The following ARPP19 variants were observed in gnomAD, a reference collection of about 807,000 sequenced individuals.
The protein encoded by ARPP19 is cAMP regulated phosphoprotein 19.
Under a neutral mutation model 12.0 loss-of-function variants are expected in ARPP19, and 8 were observed. That is an observed-to-expected ratio of 0.67 (90% confidence interval 0.39 to 1.21). The LOEUF is 1.21. ARPP19 is among the 50% of genes most tolerant of loss of function. The pLI, the probability that ARPP19 is intolerant of heterozygous loss-of-function variation, is 0.01. For synonymous variants in ARPP19, 47 were observed against 50.4 expected, an observed-to-expected ratio of 0.93 and a Z score of 0.29; for missense variants, 102 against 136.3, an observed-to-expected ratio of 0.75 and a Z score of 1.25.
intron 1 of ARPP19, chr15:52,564,255 A>G (rs1350386920): frequency 3.3e-6 from 5 of 1,532,156 alleles, no homozygotes; most frequent in Non-Finnish European, 4.4e-6. Context: ...CTCTGAATAG[A>G]AATAGAAAAC....
In ARPP19 at chr15:52,548,603, C is replaced by T. The variant is rs1280545513; in HGVS notation, c.*3331G>A. On this transcript the variant is annotated 3_prime_UTR_variant, in exon 3 of 3. Transcript: ENST00000249822. ...CACCCCTTTGTCCTGCTTATCCACA[C>T]TGTATACTACCTGCCCCTTAGTCAC... 1 of 152,502 alleles carries T rather than the reference C, an allele frequency of 6.6e-6. No individual in the cohort carries two copies. The highest frequency in any genetic ancestry group is 1.5e-5 in the Non-Finnish European group (1 of 68,150). 9.4% of individuals were successfully genotyped at this position (152,502 alleles called of 1,614,324 possible). A position where few individuals can be genotyped will look rare whatever the true frequency, so the allele number is the denominator to read the frequency against.
In ARPP19 at chr15:52,549,671, G is replaced by C. The variant is rs959114442; in HGVS notation, c.*2263C>G. On this transcript the variant is annotated 3_prime_UTR_variant, in exon 3 of 3. Transcript: ENST00000249822. ...TTTTATTACTTGTCCCAAACCACAG[G>C]AGCAGTTCTATCGTGGTCAGGAATA... 6.6e-6 allele frequency: 1 copy of C among 152,416 alleles called. No individual in the cohort carries two copies. Among genetic ancestry groups the C allele is most frequent in the Non-Finnish European group, 1.5e-5 (1 of 68,010 alleles). The allele number at this position is 152,416 out of a possible 1,614,324, so 9.4% of individuals were successfully genotyped here.
At chr15:52,569,293 A>G (rs1416203841), upstream of ARPP19, 16 of 259,804 alleles carry the variant, frequency 6.2e-5, no homozygotes, top group Non-Finnish European at 1.1e-4. Flanking sequence ...CCCTCGTTCT[A>G]GGAGCTTTAT....
At chr15:52,561,982 T>G (rs1477972333) in intron 1 of ARPP19, among the ~76,000 whole-genome samples, 1 of 151,066 alleles carries the variant, frequency 6.6e-6, no homozygotes, top group African/African-American at 2.4e-5. Flanking sequence ...CTTCCTATGT[T>G]GCCCAGGCTG....
chr15:52,552,765 T>G (rs11852533), intron 2 of ARPP19, among the ~76,000 whole-genome samples: 15,281 of 152,092 alleles, frequency 0.1, 851 homozygotes, highest in Middle Eastern at 0.17. Flanking sequence ...CTTAAATTAT[T>G]TTATAAATAA....
intron 1 of ARPP19, chr15:52,564,258 T>C (rs750338944): frequency 9.7e-5 from 149 of 1,530,884 alleles, no homozygotes; most frequent in Middle Eastern, 3.3e-4. Context: ...TGAATAGAAA[T>C]AGAAAACATG....
chr15:52,569,279 G>A (rs1293147512), upstream of ARPP19: 1 of 277,294 alleles, frequency 3.6e-6, no homozygotes, highest in Non-Finnish European at 6.8e-6. Context: ...TGTCCACTCT[G>A]GTCCCCTCGT....
In ARPP19 at chr15:52,549,892, C is replaced by G. The variant is rs2077913381; in HGVS notation, c.*2042G>C. 1 of 152,640 alleles carries G rather than the reference C, an allele frequency of 6.6e-6. No homozygotes were observed. The highest frequency in any genetic ancestry group is 2.1e-4 in the South Asian group (1 of 4,822). The allele number at this position is 152,640 out of a possible 1,614,324, so 9.5% of individuals were successfully genotyped here. A position where few individuals can be genotyped will look rare whatever the true frequency, so the allele number is the denominator to read the frequency against. On this transcript the variant is annotated 3_prime_UTR_variant, in exon 3 of 3. Transcript: ENST00000249822. The stretch of plus-strand genomic sequence containing the variant: ...ATATATATAACTGATCTTTACATTA[C>G]AAATGACCACAGCAGTGACTGTGTT...
Position 52,552,019 on chromosome 15 carries a change from G to C in ARPP19, c.254C>G (p.Thr85Arg), listed in dbSNP as rs369014666. 4.3e-6 allele frequency: 7 copies of C among 1,609,780 alleles called. No individual in the cohort carries two copies. Among genetic ancestry groups the C allele is most frequent in the Non-Finnish European group, 6.0e-6 (7 of 1,176,208 alleles). Residue 85 changes from threonine (T) to arginine (R), a missense_variant, in exon 3 of 3, where the codon ACG (threonine) becomes AGG (arginine). Coordinates refer to ENST00000249822, the MANE Select transcript of ARPP19 (RefSeq NM_006628.6). ...GGGAATGTGGTCACCAGTGACCTCC[G>C]TCTTATCCGGAGCTGCAGTAGGAAG... is the stretch of plus-strand genomic sequence containing the variant. ...KQLPTAAPDK[T>R]EVTGDHIPTP... is the part of the protein sequence containing the mutation.
At chr15:52,569,149 A>T (rs897858425), upstream of ARPP19, 2 of 507,584 alleles carry the variant, frequency 3.9e-6, no homozygotes, top group African/African-American at 2.1e-5. Flanking sequence ...TGTCGTCCAA[A>T]CACTTCCTTT....
chr15:52,556,339 T>C (rs562901432), intron 2 of ARPP19, among the ~76,000 whole-genome samples: 6 of 152,132 alleles, frequency 3.9e-5, no homozygotes, highest in Non-Finnish European at 8.8e-5. Flanking sequence ...AAGCTGAAGA[T>C]GGAACTCTCT....
chr15:52,554,865 T>C (rs148137363), intron 2 of ARPP19, among the ~76,000 whole-genome samples: 1 of 151,916 alleles, frequency 6.6e-6, no homozygotes, highest in African/African-American at 2.4e-5. Flanking sequence ...GTTAAAAGCC[T>C]AATAATAACA....
chr15:52,567,955 TC>T (rs2078100995), intron 1 of ARPP19, among the ~76,000 whole-genome samples: 1 of 152,130 alleles, frequency 6.6e-6, no homozygotes, highest in Non-Finnish European at 1.5e-5. Flanking sequence ...ACAAGATACC[TC>T]GGCCCTTTCT....
At chr15:52,564,309 AG>A in intron 1 of ARPP19, 1 of 1,239,614 alleles carries the variant, frequency 8.1e-7, no homozygotes. Context: ...AGCTACTTGG[AG>A]GCTGAGGTGG....
chr15:52,558,778 A>AC, intron 1 of ARPP19, among the ~76,000 whole-genome samples: 1 of 150,316 alleles, frequency 6.7e-6, no homozygotes, highest in South Asian at 2.1e-4. Flanking sequence ...AATTATATTC[A>AC]TACATTAAAA....
intron 1 of ARPP19, chr15:52,564,335 C>A: frequency 1.1e-6 from 1 of 947,316 alleles, no homozygotes; most frequent in South Asian, 1.4e-5. Context: ...CTAGGTGAAC[C>A]CAGGAGTTCA....
Position 52,547,663 on chromosome 15 carries a change from T to C in ARPP19, c.*4271A>G, listed in dbSNP as rs767800254. 44 of 152,258 alleles carry C rather than the reference T, an allele frequency of 2.9e-4. No homozygotes were observed. The highest frequency in any genetic ancestry group is 2.3e-3 in the Admixed American group (35 of 15,286). 9.4% of individuals were successfully genotyped at this position (152,258 alleles called of 1,614,324 possible). On this transcript the variant is annotated 3_prime_UTR_variant, in exon 3 of 3. Transcript: ENST00000249822. ...TAACAATGACAGAGTGAGATATCTT[T>C]GATTACAATTTTATAAGGTGTGGTG...
At chr15:52,557,342 T>C (rs2077990193) in intron 1 of ARPP19, 120 bp from the exon 2 acceptor site, 1 of 780,508 alleles carries the variant, frequency 1.3e-6, no homozygotes. Flanking sequence ...AGCATCTGAC[T>C]AAGAAATCAA....
At chr15:52,563,315 G>A (rs577119195) in intron 1 of ARPP19, among the ~76,000 whole-genome samples, 100 of 152,252 alleles carry the variant, frequency 6.6e-4, no homozygotes, top group Non-Finnish European at 9.7e-4. Flanking sequence ...ATTGATAATA[G>A]GGTCCGCAGA....
Sources: allele counts gnomAD v4.1 joint callset (sites outside exome capture counted in the v4.1 genomes callset), GRCh38; gene constraint gnomAD v4.1.1; transcripts MANE v1.5; gene names NCBI Gene and HGNC (gene_info 2026-07-23, HGNC 2026-07-21).